Variants in TUBD1 observed in about 807,000 individuals in gnomAD.
TUBD1 encodes tubulin delta chain.
TUBD1 carries 38 observed loss-of-function variants against 51.2 expected under a neutral mutation model. The ratio of observed to expected loss-of-function variants is 0.74; its 90% CI spans 0.57 to 0.97. The LOEUF (loss-of-function observed/expected upper bound fraction) is 0.97, where lower values mean the gene tolerates loss of function less well. TUBD1 is among the 50% of genes least tolerant of loss of function. The probability of loss-of-function intolerance (pLI) is 0.00; values close to 1 mark genes in which losing one functional copy is unlikely to be tolerated. For missense variants in TUBD1, 489 were observed against 538.4 expected, an observed-to-expected ratio of 0.91 and a Z score of 0.91; for synonymous variants, 169 against 178.2, an observed-to-expected ratio of 0.95 and a Z score of 0.41.
intron 3 of TUBD1, among the ~76,000 whole-genome samples, chr17:59,883,418 A>G (rs2040577287): frequency 6.6e-6 from 1 of 151,560 alleles, no homozygotes; most frequent in African/African-American, 2.4e-5. Flanking sequence ...GGCAGCCATC[A>G]CCACGCCCAG....
chr17:59,883,151 C>T (rs2040566698), intron 3 of TUBD1, among the ~76,000 whole-genome samples: 2 of 148,606 alleles, frequency 1.3e-5, no homozygotes, highest in African/African-American at 5.0e-5. Flanking sequence ...GCTGGAGTGC[C>T]GTGGCACAAT....
chr17:59,884,537 C>G (rs1464249469), intron 3 of TUBD1: 1 of 152,214 alleles, frequency 6.6e-6, no homozygotes, highest in Admixed American at 6.6e-5. Flanking sequence ...TCACTTGAAC[C>G]TGGGAGGCAG....
chr17:59,885,500 A>G, intron 3 of TUBD1: 1 of 1,580,582 alleles, frequency 6.3e-7, no homozygotes, highest in Non-Finnish European at 8.7e-7. Context: ...CTGTACCTGG[A>G]ACGAGGCGGT....
At chr17:59,887,870 A>T (rs969685220) in intron 2 of TUBD1, among the ~76,000 whole-genome samples, 2 of 151,642 alleles carry the variant, frequency 1.3e-5, no homozygotes, top group Non-Finnish European at 2.9e-5. Context: ...GGCCTCAAGC[A>T]ATCCTCCCAC....
At chr17:59,887,943 T>C (rs530594099) in intron 2 of TUBD1, among the ~76,000 whole-genome samples, 2 of 152,104 alleles carry the variant, frequency 1.3e-5, no homozygotes, top group African/African-American at 2.4e-5. Flanking sequence ...GATGTCTTTT[T>C]TTTTTTTTTG....
chr17:59,860,242 GA>G lies in TUBD1; in HGVS notation c.*79del. ...CGTGTTAGCCAGGATGGAGAACTTT[GA>G]AAACTTTACAGAGAAAATAGTATTG... On this transcript the variant is annotated 3_prime_UTR_variant, in exon 9 of 9. Transcript: ENST00000325752. 9.1e-7 allele frequency: 1 copy of G among 1,094,240 alleles called. No individual in the cohort carries two copies. The highest frequency in any genetic ancestry group is 1.4e-6 in the Non-Finnish European group (1 of 739,188). 67.8% of individuals were successfully genotyped at this position (1,094,240 alleles called of 1,614,324 possible).
In TUBD1 at chr17:59,863,748, G is replaced by A. The variant is rs1444280305; in HGVS notation, c.1175C>T (p.Ser392Phe). The part of the protein sequence containing the change: ...TQRAFSKYEK[S>F]AVLVSNSQFL... The stretch of plus-strand genomic sequence containing the variant: ...CTGGCTGTTGCTGACCAACACTGCA[G>A]ACTTCTCATATTTGCTAAAGGCCCG... Residue 392 changes from serine (S) to phenylalanine (F), a missense_variant, in exon 8 of 9, where the codon TCT becomes TTT. Coordinates refer to ENST00000325752, the MANE Select transcript of TUBD1 (RefSeq NM_016261.4). 1.2e-6 allele frequency: 2 copies of A among 1,610,788 alleles called. No individual in the cohort carries two copies. The highest frequency in any genetic ancestry group is 1.7e-4 in the Middle Eastern group (1 of 6,050).
intron 6 of TUBD1, among the ~76,000 whole-genome samples, chr17:59,868,832 T>C (rs1180913422): frequency 1.3e-5 from 2 of 150,006 alleles, no homozygotes; most frequent in African/African-American, 2.5e-5. Context: ...CGAGACTCCA[T>C]CTCAAAAAAT....
intron 2 of TUBD1, among the ~76,000 whole-genome samples, chr17:59,889,283 G>A (rs1300439022): frequency 6.6e-6 from 1 of 151,172 alleles, no homozygotes; most frequent in African/African-American, 2.4e-5. Context: ...CAAAGTGCTG[G>A]GATTATAGGC....
At chr17:59,881,614 A>G (rs2040491629) in intron 3 of TUBD1, among the ~76,000 whole-genome samples, 1 of 152,100 alleles carries the variant, frequency 6.6e-6, no homozygotes, top group South Asian at 2.1e-4. Context: ...GGTAAATGGG[A>G]TATCTATCAC....
chr17:59,862,811 G>A (rs112911630), intron 8 of TUBD1, among the ~76,000 whole-genome samples: 20,378 of 137,004 alleles, frequency 0.15, 1,527 homozygotes, highest in Middle Eastern at 0.23. Flanking sequence ...TGCAAGCTCC[G>A]CCTCCCGGGT....
rs149726265 is a variant in TUBD1, at chr17:59,887,215, A to G, written c.173-985T>C. On this transcript the variant is annotated intron_variant, in intron 2 of 8. Transcript: ENST00000325752. ...ACAAACAAACAAACAAAAAACAAAA[A>G]TACAAAATTAGCAAGACTTGGTGGC... Among the ~76,000 whole-genome samples, 63 of 152,000 alleles carry G rather than the reference A, an allele frequency of 4.1e-4. 1 individual carries two copies. In the East Asian group the frequency reaches 0.011, roughly 26 times the overall value.
At chr17:59,864,067 C>A (rs562627783) in intron 7 of TUBD1, among the ~76,000 whole-genome samples, 23 of 150,516 alleles carry the variant, frequency 1.5e-4, no homozygotes, top group African/African-American at 4.6e-4. Context: ...CACAGTAAAA[C>A]CCCATCTCTA....
At chr17:59,881,250 C>A in intron 3 of TUBD1, 140 bp from the exon 4 acceptor site, 1 of 664,052 alleles carries the variant, frequency 1.5e-6, no homozygotes, top group Non-Finnish European at 2.5e-6. Context: ...TACAGGTACC[C>A]TGACTGACAA....
At chr17:59,889,685 A>G (rs2040904828) in intron 2 of TUBD1, among the ~76,000 whole-genome samples, 1 of 149,812 alleles carries the variant, frequency 6.7e-6, no homozygotes, top group Non-Finnish European at 1.5e-5. Context: ...AAAAAAAAAA[A>G]AAGAAAAAGA....
chr17:59,891,682 A>C (rs909674772), intron 1 of TUBD1: 1 of 152,322 alleles, frequency 6.6e-6, no homozygotes, highest in African/African-American at 2.4e-5. Flanking sequence ...ATAAAAGAAA[A>C]AAAGAGGCTG....
chr17:59,880,819 G>C (rs922126632), intron 4 of TUBD1, 75 bp downstream of exon 4: 4 of 1,422,770 alleles, frequency 2.8e-6, no homozygotes, highest in Non-Finnish European at 3.9e-6. Flanking sequence ...TGGGTGGTGA[G>C]AGCAATCTTT....
intron 4 of TUBD1, 27 bp downstream of exon 4, chr17:59,880,867 T>C (rs1555636679): frequency 6.3e-7 from 1 of 1,590,334 alleles, no homozygotes; most frequent in Non-Finnish European, 8.6e-7. Context: ...ACATAAAACA[T>C]AAACTTTTCA....
intron 3 of TUBD1, chr17:59,885,655 AAAAAC>A (rs984761405): frequency 2.9e-5 from 20 of 679,072 alleles, no homozygotes; most frequent in East Asian, 1.1e-4. Context: ...CTGTGGTTAA[AAAAAC>A]AAAACAAAAC....
Sources: gnomAD v4.1 joint callset for allele counts (sites outside exome capture counted in the v4.1 genomes callset) on GRCh38, gnomAD v4.1.1 for gene constraint, MANE v1.5 for transcripts, NCBI Gene and HGNC (gene_info 2026-07-23, HGNC 2026-07-21) for gene names.